CRPPA: variants seen among roughly 807,000 people sequenced by gnomAD.
The protein encoded by CRPPA is CDP-L-ribitol pyrophosphorylase A, also known as D-ribitol-5-phosphate cytidylyltransferase.
In CRPPA, 43 loss-of-function variants were observed where a neutral mutation model predicts 52.0. The ratio of observed to expected loss-of-function variants is 0.83; its 90% confidence interval spans 0.65 to 1.07. The LOEUF is 1.07. Among genes scored for constraint, CRPPA ranks in the 50% least tolerant of loss-of-function variants. The pLI, the probability that CRPPA is intolerant of heterozygous loss-of-function variation, is 0.00. For synonymous variants in CRPPA, 250 were observed against 203.5 expected (o/e 1.23, Z -1.94); for missense variants, 629 against 551.7 (o/e 1.14, Z -1.40).
intron 2 of CRPPA, among the ~76,000 whole-genome samples, chr7:16,378,208 C>T (rs531662253): frequency 6.6e-6 from 1 of 151,288 alleles, no homozygotes; most frequent in Admixed American, 6.6e-5. Flanking sequence ...GCGCTGTACC[C>T]ATTAACTTGT....
chr7:16,222,111 C>T (rs1262929857), intron 8 of CRPPA, among the ~76,000 whole-genome samples: 2 of 151,374 alleles, frequency 1.3e-5, no homozygotes, highest in East Asian at 3.9e-4. Flanking sequence ...GAATACTATG[C>T]AGCCATAAAA....
chr7:16,231,056 G>A (rs1323912527), intron 8 of CRPPA, among the ~76,000 whole-genome samples: 3 of 152,108 alleles, frequency 2.0e-5, no homozygotes, highest in Non-Finnish European at 4.4e-5. Flanking sequence ...AAAGCTGTGG[G>A]GATCACCCTG....
At chr7:16,254,064 C>T (rs1406802816) in intron 8 of CRPPA, among the ~76,000 whole-genome samples, 1 of 152,064 alleles carries the variant, frequency 6.6e-6, no homozygotes, top group Non-Finnish European at 1.5e-5. Context: ...GTTAGAATGG[C>T]GATCATTAAA....
intron 2 of CRPPA, among the ~76,000 whole-genome samples, chr7:16,400,684 A>G (rs546776976): frequency 6.6e-6 from 1 of 152,224 alleles, no homozygotes; most frequent in African/African-American, 2.4e-5. Context: ...TGTGAGATAC[A>G]TAACCAACTC....
chr7:16,218,082 C>T (rs1181086155), intron 8 of CRPPA, among the ~76,000 whole-genome samples: 1 of 152,132 alleles, frequency 6.6e-6, no homozygotes, highest in African/African-American at 2.4e-5. Flanking sequence ...ATCAGACTAA[C>T]AGCAGATCTC....
intron 9 of CRPPA, among the ~76,000 whole-genome samples, chr7:16,149,200 G>A (rs1783029100): frequency 6.6e-6 from 1 of 152,098 alleles, no homozygotes; most frequent in Non-Finnish European, 1.5e-5. Flanking sequence ...GAAGGAACTG[G>A]GTTGACTCAG....
intron 9 of CRPPA, among the ~76,000 whole-genome samples, chr7:16,116,538 G>A (rs931767855): frequency 6.6e-6 from 1 of 151,766 alleles, no homozygotes; most frequent in African/African-American, 2.4e-5. Context: ...GGTGGCACTT[G>A]CCTGTAATCC....
Position 16,088,412 on chromosome 7 carries a change from C to A in CRPPA, c.*3283G>T, listed in dbSNP as rs370712733. 8.8e-6 allele frequency: 1 copy of A among 113,142 alleles called. No homozygotes were observed. Among genetic ancestry groups the A allele is most frequent in the Non-Finnish European group, 1.7e-5 (1 of 58,568 alleles). 7.0% of individuals were successfully genotyped at this position (113,142 alleles called of 1,614,324 possible). A position where few individuals can be genotyped will look rare whatever the true frequency, so the allele number is the denominator to read the frequency against. ...ACTGTAAAGTTACCTCTGGATCTCT[C>A]TTTTTTTTTTTTTTTTTTTTTTTGA... On this transcript the variant is annotated 3_prime_UTR_variant, in exon 10 of 10. Transcript: ENST00000407010.
intron 5 of CRPPA, among the ~76,000 whole-genome samples, chr7:16,298,293 A>T (rs761068082): frequency 1.3e-5 from 2 of 152,208 alleles, no homozygotes; most frequent in Non-Finnish European, 2.9e-5. Flanking sequence ...TATAGCCCAA[A>T]GGTTTCAGAT....
At chr7:16,130,862 T>C (rs1238453177) in intron 9 of CRPPA, among the ~76,000 whole-genome samples, 2 of 151,496 alleles carry the variant, frequency 1.3e-5, no homozygotes, top group Admixed American at 1.3e-4. Flanking sequence ...CTTTGGGGGG[T>C]GATTAGGTCA....
chr7:16,221,879 T>G (rs1010031734), intron 8 of CRPPA, among the ~76,000 whole-genome samples: 34 of 151,234 alleles, frequency 2.2e-4, no homozygotes, highest in African/African-American at 8.0e-4. Context: ...ATTGTGGAAG[T>G]CAGTGTGGCG....
At position 16,091,418 on chromosome 7, in the gene CRPPA, T is replaced by C; in HGVS notation, c.*277A>G. 1 of 286,422 alleles carries C rather than the reference T, an allele frequency of 3.5e-6. No individual in the cohort carries two copies. The highest frequency in any genetic ancestry group is 1.0e-4 in the East Asian group (1 of 9,966). 17.7% of individuals were successfully genotyped at this position (286,422 alleles called of 1,614,324 possible). ...ATCATTATTTCTATTTGACCGTTCA[T>C]GTCTCTGTGGAAAGATTCATTTGAA... On this transcript the variant is annotated 3_prime_UTR_variant, in exon 10 of 10. Transcript: ENST00000407010.
At chr7:16,177,307 C>CG (rs1457303494) in intron 9 of CRPPA, among the ~76,000 whole-genome samples, 1 of 151,308 alleles carries the variant, frequency 6.6e-6, no homozygotes, top group Non-Finnish European at 1.5e-5. Context: ...AGTTTTAAAA[C>CG]TAAAAAAAAG....
chr7:16,240,982 G>C (rs1356860051), intron 8 of CRPPA, among the ~76,000 whole-genome samples: 1 of 152,046 alleles, frequency 6.6e-6, no homozygotes, highest in Non-Finnish European at 1.5e-5. Flanking sequence ...ACATATATGT[G>C]TGTATATTTT....
chr7:16,376,538 G>A (rs924706992), intron 2 of CRPPA, among the ~76,000 whole-genome samples: 1 of 152,020 alleles, frequency 6.6e-6, no homozygotes, highest in Admixed American at 6.5e-5. Context: ...AGATCCAATT[G>A]GGTGTTCCCT....
intron 3 of CRPPA, among the ~76,000 whole-genome samples, chr7:16,347,551 G>A (rs896637991): frequency 2.6e-5 from 4 of 152,074 alleles, no homozygotes; most frequent in Admixed American, 2.6e-4. Context: ...TCAGGGATAG[G>A]AGAATTAGCA....
At chr7:16,217,360 T>C (rs1782358548) in intron 8 of CRPPA, among the ~76,000 whole-genome samples, 1 of 151,930 alleles carries the variant, frequency 6.6e-6, no homozygotes, top group South Asian at 2.1e-4. Context: ...ACAGAAAAAC[T>C]GGAAACTCTA....
chr7:16,202,524 G>C (rs573562808), intron 9 of CRPPA, among the ~76,000 whole-genome samples: 1 of 152,268 alleles, frequency 6.6e-6, no homozygotes, highest in South Asian at 2.1e-4. Context: ...TGATAAACCA[G>C]ACAAAAACAT....
chr7:16,375,411 C>G (rs968009312), intron 3 of CRPPA, among the ~76,000 whole-genome samples: 3 of 152,178 alleles, frequency 2.0e-5, no homozygotes, highest in African/African-American at 7.2e-5. Context: ...TATGTAAGTA[C>G]AGCAGCATTT....
Sources: gnomAD v4.1 joint callset for allele counts (sites outside exome capture counted in the v4.1 genomes callset) on GRCh38, gnomAD v4.1.1 for gene constraint, MANE v1.5 for transcripts, NCBI Gene and HGNC (gene_info 2026-07-23, HGNC 2026-07-21) for gene names.